Variants in RORA observed in about 807,000 individuals in gnomAD.
RORA encodes the protein nuclear receptor ROR-alpha.
In RORA, 7 loss-of-function variants were observed where a neutral mutation model predicts 69.5. The ratio of observed to expected loss-of-function variants is 0.10; its 90% CI spans 0.06 to 0.19. The LOEUF is 0.19. Ranked by LOEUF, RORA falls within the 10% of genes least tolerant of loss-of-function variation. The pLI is 1.00. For synonymous variants in RORA, 261 were observed against 240.8 expected (o/e 1.08, Z -0.78); for missense variants, 457 against 663.0 (o/e 0.69, Z 3.41).
chr15:60,930,609 G>C (rs1892347113), intron 1 of RORA, among the ~76,000 whole-genome samples: 1 of 152,300 alleles, frequency 6.6e-6, no homozygotes, highest in Non-Finnish European at 1.5e-5. Flanking sequence ...TCCCACTTTG[G>C]AATTAATGCA....
intron 1 of RORA, among the ~76,000 whole-genome samples, chr15:60,993,253 T>C (rs182571497): frequency 6.6e-6 from 1 of 152,326 alleles, no homozygotes; most frequent in African/African-American, 2.4e-5. Context: ...ACTTCACATA[T>C]GGGATCTCAC....
intron 1 of RORA, among the ~76,000 whole-genome samples, chr15:61,203,147 C>A (rs979031498): frequency 6.6e-6 from 1 of 151,846 alleles, no homozygotes; most frequent in African/African-American, 2.4e-5. Flanking sequence ...AATACTATGA[C>A]CAAAAAATAG....
chr15:60,832,476 A>T (rs2073054614), intron 1 of RORA, among the ~76,000 whole-genome samples: 1 of 152,202 alleles, frequency 6.6e-6, no homozygotes, highest in African/African-American at 2.4e-5. Flanking sequence ...CCCAAGAAAG[A>T]CAGGAGAAGC....
At chr15:61,218,784 T>C (rs910772568) in intron 1 of RORA, among the ~76,000 whole-genome samples, 6 of 152,226 alleles carry the variant, frequency 3.9e-5, no homozygotes, top group Middle Eastern at 3.4e-3. Flanking sequence ...TAGCAATGGC[T>C]GATAGACACT....
intron 2 of RORA, chr15:60,556,821 C>A: frequency 6.6e-7 from 1 of 1,525,824 alleles, no homozygotes; most frequent in Non-Finnish European, 9.0e-7. Context: ...AATGAAGAAA[C>A]CTTGCAAATT....
intron 1 of RORA, among the ~76,000 whole-genome samples, chr15:60,682,837 C>A (rs2070665453): frequency 6.6e-6 from 1 of 152,188 alleles, no homozygotes; most frequent in African/African-American, 2.4e-5. Flanking sequence ...CAGGGTAATG[C>A]TCTCTACAGA....
intron 1 of RORA, among the ~76,000 whole-genome samples, chr15:61,051,143 GC>G (rs1224196924): frequency 1.3e-5 from 2 of 152,210 alleles, no homozygotes; most frequent in Admixed American, 1.3e-4. Flanking sequence ...TCAGAAGGCT[GC>G]ATCTGAGCAG....
At chr15:60,604,977 G>C (rs28448353) in intron 2 of RORA, among the ~76,000 whole-genome samples, 36,725 of 152,052 alleles carry the variant, frequency 0.24, 4,523 homozygotes, top group East Asian at 0.41. Flanking sequence ...AACTGTATGA[G>C]CAATATAAAA....
chr15:61,211,878 A>G (rs1162581992), intron 1 of RORA: 1 of 152,178 alleles, frequency 6.6e-6, no homozygotes, highest in African/African-American at 2.4e-5. Flanking sequence ...GCGTATGTGA[A>G]AGTCCCTAGA....
intron 1 of RORA, among the ~76,000 whole-genome samples, chr15:61,012,970 C>G (rs1190306962): frequency 2.0e-5 from 3 of 152,170 alleles, no homozygotes; most frequent in African/African-American, 7.2e-5. Context: ...CTTCTTGATT[C>G]ATCTGCTCCC....
chr15:61,110,477 G>T (rs770896167), intron 1 of RORA, among the ~76,000 whole-genome samples: 2 of 151,696 alleles, frequency 1.3e-5, no homozygotes, highest in South Asian at 2.1e-4. Context: ...ACTGGTTTGT[G>T]TATTTATTAT....
At chr15:60,946,349 G>C (rs1892872860) in intron 1 of RORA, among the ~76,000 whole-genome samples, 1 of 152,132 alleles carries the variant, frequency 6.6e-6, no homozygotes, top group African/African-American at 2.4e-5. Context: ...CGCCATCTCT[G>C]CTCACTGCAA....
At chr15:60,799,918 AAAT>A (rs1419692366) in intron 1 of RORA, among the ~76,000 whole-genome samples, 1 of 152,214 alleles carries the variant, frequency 6.6e-6, no homozygotes, top group African/African-American at 2.4e-5. Flanking sequence ...TATCTCTTCA[AAAT>A]AATAACAGAA....
At chr15:61,077,623 T>C (rs754864730) in intron 1 of RORA, among the ~76,000 whole-genome samples, 3 of 152,206 alleles carry the variant, frequency 2.0e-5, no homozygotes, top group Non-Finnish European at 4.4e-5. Flanking sequence ...AAGCTGTTTG[T>C]AAACACTTCT....
At chr15:60,945,021 G>A (rs1247419546) in intron 1 of RORA, among the ~76,000 whole-genome samples, 2 of 152,138 alleles carry the variant, frequency 1.3e-5, no homozygotes, top group African/African-American at 4.8e-5. Context: ...AAAACAAACA[G>A]CCCACTTTGG....
At chr15:60,524,646 A>G (rs1359660480) in intron 3 of RORA, among the ~76,000 whole-genome samples, 2 of 152,120 alleles carry the variant, frequency 1.3e-5, no homozygotes, top group Non-Finnish European at 2.9e-5. Context: ...TACCTTTTCC[A>G]GGGCCTGACT....
chr15:61,009,440 A>T (rs1382161901), intron 1 of RORA, among the ~76,000 whole-genome samples: 1 of 152,258 alleles, frequency 6.6e-6, no homozygotes, highest in Non-Finnish European at 1.5e-5. Flanking sequence ...ATACACCAAG[A>T]TGAAAGATGT....
At chr15:60,947,103 A>C (rs1269968439) in intron 1 of RORA, among the ~76,000 whole-genome samples, 1 of 135,848 alleles carries the variant, frequency 7.4e-6, no homozygotes, top group South Asian at 2.5e-4. Flanking sequence ...CCTGTCCGGG[A>C]GGGAGGTGGG....
intron 2 of RORA, chr15:60,592,927 G>T (rs907499994): frequency 4.0e-5 from 18 of 455,664 alleles, no homozygotes; most frequent in Non-Finnish European, 5.7e-5. Context: ...CCGCTGGCTT[G>T]CCGGAGCACT....
Sources: allele counts gnomAD v4.1 joint callset (sites outside exome capture counted in the v4.1 genomes callset), GRCh38; gene constraint gnomAD v4.1.1; transcripts MANE v1.5; gene names NCBI Gene and HGNC (gene_info 2026-07-23, HGNC 2026-07-21).